ANGPT1: variants seen among roughly 807,000 people sequenced by gnomAD.
ANGPT1 encodes angiopoietin 1, also known as angiopoietin-1.
ANGPT1 carries 17 observed loss-of-function variants against 62.2 expected under a neutral mutation model. That is an observed-to-expected ratio of 0.27 (90% CI 0.19 to 0.41). The LOEUF (loss-of-function observed/expected upper bound fraction) is 0.41. ANGPT1 is among the 10% of genes least tolerant of loss of function. The pLI is 1.00. For missense variants in ANGPT1, 478 were observed against 594.9 expected, an observed-to-expected ratio of 0.80 and a Z score of 2.04; for synonymous variants, 199 against 198.9, an observed-to-expected ratio of 1.00 and a Z score of 0.00.
chr8:107,327,637 T>A (rs1208614998), intron 3 of ANGPT1, among the ~76,000 whole-genome samples: 2 of 152,122 alleles, frequency 1.3e-5, no homozygotes, highest in African/African-American at 2.4e-5. Context: ...AACAACACTT[T>A]ATGAAACCAT....
chr8:107,393,763 T>C (rs1816880387), intron 1 of ANGPT1, among the ~76,000 whole-genome samples: 1 of 152,096 alleles, frequency 6.6e-6, no homozygotes, highest in African/African-American at 2.4e-5. Flanking sequence ...TGAACTGAGA[T>C]TGCACCACTG....
In ANGPT1 at chr8:107,324,975, C is replaced by A. The variant is rs559548832; in HGVS notation, c.576-2847G>T. 5.9e-5 allele frequency among the ~76,000 whole-genome samples: 9 copies of A among 152,232 alleles called. No individual in the cohort carries two copies. The South Asian group carries it at 1.9e-3, about 32-fold the overall frequency. ...TAATATAGGGAAACTGTGATGATCA[C>A]TTATTTTTTAAAAATTCTTTTGGAA... On this transcript the variant is annotated intron_variant, in intron 3 of 8. Transcript: ENST00000517746.
chr8:107,438,588 C>G (rs561992600), intron 1 of ANGPT1, among the ~76,000 whole-genome samples: 10 of 152,230 alleles, frequency 6.6e-5, no homozygotes, highest in African/African-American at 1.9e-4. Flanking sequence ...TCTTCAAAGA[C>G]AGCAAATTGG....
chr8:107,434,466 A>G (rs78507297), intron 1 of ANGPT1, among the ~76,000 whole-genome samples: 4,857 of 152,276 alleles, frequency 0.032, 94 homozygotes, highest in Middle Eastern at 0.054. Context: ...TGATGGGGTC[A>G]ACGAAATCGT....
rs74539619 is a variant in ANGPT1 at position 107,255,964 on chromosome 8, A to G, written c.1337-3949T>C. 6.4e-3 allele frequency among the ~76,000 whole-genome samples: 973 copies of G among 152,310 alleles called. 11 individuals carry two copies. Among genetic ancestry groups the G allele is most frequent in the African/African-American group, 0.022 (921 of 41,566 alleles). On this transcript the variant is annotated intron_variant, in intron 8 of 8. Transcript: ENST00000517746. The stretch of plus-strand genomic sequence containing the variant: ...AGTGGGGTTTATTAGAGAAATATGA[A>G]AATAATTAGACCCAAATAAGTACAA...
intron 1 of ANGPT1, among the ~76,000 whole-genome samples, chr8:107,359,969 A>T (rs1482957645): frequency 2.6e-5 from 4 of 152,156 alleles, no homozygotes; most frequent in African/African-American, 9.7e-5. Flanking sequence ...TCTTAGTAGG[A>T]AACTTACAAA....
chr8:107,342,594 G>T (rs949996120), intron 2 of ANGPT1, among the ~76,000 whole-genome samples: 1 of 152,038 alleles, frequency 6.6e-6, no homozygotes, highest in Non-Finnish European at 1.5e-5. Context: ...CAAGATGGCT[G>T]GTCAAATTTG....
At chr8:107,312,452 C>A (rs1297991174) in intron 4 of ANGPT1, among the ~76,000 whole-genome samples, 1 of 152,186 alleles carries the variant, frequency 6.6e-6, no homozygotes, top group Non-Finnish European at 1.5e-5. Context: ...GAATGAAAGT[C>A]CTTGGGCAAT....
intron 1 of ANGPT1, among the ~76,000 whole-genome samples, chr8:107,474,306 G>C (rs1217316163): frequency 6.6e-6 from 1 of 152,038 alleles, no homozygotes; most frequent in Non-Finnish European, 1.5e-5. Context: ...ATGTAATCCA[G>C]CATATAAACA....
chr8:107,364,391 C>G (rs1051507471), intron 1 of ANGPT1, among the ~76,000 whole-genome samples: 1 of 152,120 alleles, frequency 6.6e-6, no homozygotes, highest in African/African-American at 2.4e-5. Flanking sequence ...AGCAAGTCTC[C>G]TGCCTCAGCC....
chr8:107,278,068 CTT>C (rs1813907252), intron 7 of ANGPT1, among the ~76,000 whole-genome samples: 1 of 149,870 alleles, frequency 6.7e-6, no homozygotes, highest in Non-Finnish European at 1.5e-5. Flanking sequence ...TCTGTTTGCT[CTT>C]TTCTTTTCTT....
rs911393714 is a variant in ANGPT1, at chr8:107,402,972, A to T, written c.298-55875T>A. Among the ~76,000 whole-genome samples, 13 of 152,322 alleles carry T rather than the reference A, an allele frequency of 8.5e-5. 1 individual carries two copies. The highest frequency in any genetic ancestry group is 2.2e-4 in the African/African-American group (9 of 41,584). On this transcript the variant is annotated intron_variant, in intron 1 of 8. Transcript: ENST00000517746. ...TTTGAGAGGATGAAAAATTGGAAAT[A>T]ACCATATATCAGTTGAATTGCTTTT... is the stretch of plus-strand genomic sequence containing the variant.
chr8:107,464,190 G>A (rs1460653866), intron 1 of ANGPT1, among the ~76,000 whole-genome samples: 1 of 152,054 alleles, frequency 6.6e-6, no homozygotes, highest in Non-Finnish European at 1.5e-5. Context: ...GATGATAAGA[G>A]CATCCACTTC....
intron 5 of ANGPT1, among the ~76,000 whole-genome samples, chr8:107,296,444 G>T (rs9650029): frequency 0.13 from 20,271 of 151,986 alleles, 1,627 homozygotes; most frequent in East Asian, 0.36. Flanking sequence ...GATCATCAAA[G>T]GTTTCAGAAA....
At chr8:107,426,253 A>G (rs1002329416) in intron 1 of ANGPT1, among the ~76,000 whole-genome samples, 1 of 152,160 alleles carries the variant, frequency 6.6e-6, no homozygotes, top group Admixed American at 6.5e-5. Context: ...ATCTGCCTCC[A>G]GCAGCACAGA....
chr8:107,389,934 C>T (rs1385976436), intron 1 of ANGPT1, among the ~76,000 whole-genome samples: 1 of 135,892 alleles, frequency 7.4e-6, no homozygotes. Flanking sequence ...AGGTTTCTTC[C>T]TAAAAAAAAA....
chr8:107,471,557 AC>A (rs1387529164), intron 1 of ANGPT1, among the ~76,000 whole-genome samples: 2 of 152,102 alleles, frequency 1.3e-5, no homozygotes, highest in South Asian at 2.1e-4. Flanking sequence ...AGCTAAAAAA[AC>A]AAAAATCATA....
intron 1 of ANGPT1, among the ~76,000 whole-genome samples, chr8:107,420,121 A>G (rs1810859275): frequency 6.6e-6 from 1 of 152,148 alleles, no homozygotes; most frequent in Admixed American, 6.6e-5. Flanking sequence ...TTCATTGATA[A>G]TTGCCTATGA....
intron 8 of ANGPT1, among the ~76,000 whole-genome samples, chr8:107,263,405 T>C (rs1813542378): frequency 6.7e-6 from 1 of 148,994 alleles, no homozygotes; most frequent in South Asian, 2.1e-4. Context: ...CTCATAAAAT[T>C]AAAACAAACT....
Sources: allele counts gnomAD v4.1 joint callset (sites outside exome capture counted in the v4.1 genomes callset), GRCh38; gene constraint gnomAD v4.1.1; transcripts MANE v1.5; gene names NCBI Gene and HGNC (gene_info 2026-07-23, HGNC 2026-07-21).